The following TRAF5 variants were observed in gnomAD, a reference collection of about 807,000 sequenced individuals.
TRAF5 encodes the protein TNF receptor associated factor 5.
TRAF5 carries 48 observed loss-of-function variants against 64.5 expected under a neutral mutation model. The observed-to-expected ratio is 0.74, with a 90% CI of 0.59 to 0.95. The LOEUF (loss-of-function observed/expected upper bound fraction) is 0.95. Among genes scored for constraint, TRAF5 ranks in the 40% least tolerant of loss-of-function variants. The probability of loss-of-function intolerance (pLI) is 0.00; values close to 1 mark genes in which losing one functional copy is unlikely to be tolerated. For synonymous variants in TRAF5, 206 were observed against 240.5 expected, an observed-to-expected ratio of 0.86 and a Z score of 1.33; for missense variants, 545 against 662.8, an observed-to-expected ratio of 0.82 and a Z score of 1.95.
At chr1:211,358,209 T>C (rs7540368) in intron 4 of TRAF5, 135,380 of 152,212 alleles carry the variant, frequency 0.89, 60,817 homozygotes, top group Middle Eastern at 0.97. Flanking sequence ...GGCGTGGTGG[T>C]TCATGCCTGT....
intron 1 of TRAF5, among the ~76,000 whole-genome samples, chr1:211,340,760 G>A (rs144494882): frequency 3.3e-5 from 5 of 152,330 alleles, no homozygotes; most frequent in African/African-American, 1.2e-4. Context: ...TTAATGCAAC[G>A]TGTCCTTTTG....
chr1:211,333,438 C>T (rs2102710799), intron 1 of TRAF5, among the ~76,000 whole-genome samples: 1 of 152,090 alleles, frequency 6.6e-6, no homozygotes, highest in East Asian at 1.9e-4. Flanking sequence ...ATCCACTCCC[C>T]CCCCACTCCC....
Position 211,353,366 on chromosome 1 carries a change from T to A in TRAF5, c.127T>A (p.Tyr43Asn). The change falls in exon 2 of 11, where the codon TAC becomes AAC. Residue 43 changes from tyrosine (Y) to asparagine (N), a missense_variant. Tyr to Asn is a moderately radical substitution (Grantham distance 143, BLOSUM62 -2). Transcript: ENST00000261464. ...GTTTGTGGAGCGGTTGGAAGAGCGC[T>A]ACAAATGTGCCTTCTGCCACTCGGT... is the stretch of plus-strand genomic sequence containing the variant. ...YQFVERLEER[Y>N]KCAFCHSVLH... 6.2e-7 allele frequency: 1 copy of A among 1,614,160 alleles called. No individual in the cohort carries two copies. Among genetic ancestry groups the A allele is most frequent in the Non-Finnish European group, 8.5e-7 (1 of 1,180,024 alleles).
At chr1:211,349,986 G>C (rs1440627146) in intron 1 of TRAF5, among the ~76,000 whole-genome samples, 1 of 86,512 alleles carries the variant, frequency 1.2e-5, no homozygotes, top group African/African-American at 2.8e-5. Context: ...GGTTCTTCCA[G>C]TTCTCTGAGA....
intron 1 of TRAF5, among the ~76,000 whole-genome samples, chr1:211,334,992 G>A (rs1374919560): frequency 2.0e-5 from 3 of 152,098 alleles, no homozygotes; most frequent in African/African-American, 7.2e-5. Context: ...GTGGCCCTTT[G>A]AACCCCTCAA....
At chr1:211,339,329 G>T (rs551116464) in intron 1 of TRAF5, among the ~76,000 whole-genome samples, 2 of 152,234 alleles carry the variant, frequency 1.3e-5, no homozygotes, top group South Asian at 4.2e-4. Flanking sequence ...CCAAACTGTG[G>T]ATCTCCTAGG....
chr1:211,371,985 C>A, intron 10 of TRAF5, 143 bp from the exon 11 acceptor site: 1 of 727,824 alleles, frequency 1.4e-6, no homozygotes, highest in Non-Finnish European at 2.2e-6. Flanking sequence ...GTTAATATTA[C>A]TACAACAAAT....
chr1:211,337,377 A>G lies in TRAF5; in HGVS notation c.-2+10488A>G, dbSNP rs1702330678. ...TCTGCTGTTCAAGAAGACGCAAGGC[A>G]GTGTTGCCAGAGTGAGTAGACAAGG... On this transcript the variant is annotated intron_variant, in intron 1 of 10. Transcript: ENST00000261464. 3.3e-5 allele frequency among the ~76,000 whole-genome samples: 5 copies of G among 152,292 alleles called. No homozygotes were observed. The South Asian group carries it at 1.0e-3, about 32-fold the overall frequency.
chr1:211,360,910 T>C, intron 6 of TRAF5, 131 bp downstream of exon 6: 1 of 990,164 alleles, frequency 1.0e-6, no homozygotes, highest in South Asian at 1.5e-5. Flanking sequence ...ATGACGTATC[T>C]GTCTTCCCTT....
chr1:211,353,778 AC>A (rs1702871628), intron 2 of TRAF5, among the ~76,000 whole-genome samples: 1 of 152,254 alleles, frequency 6.6e-6, no homozygotes, highest in South Asian at 2.1e-4. Context: ...TGTTGTAGTC[AC>A]CCCAATCTTC....
At chr1:211,338,664 G>A (rs916922776) in intron 1 of TRAF5, among the ~76,000 whole-genome samples, 1 of 152,040 alleles carries the variant, frequency 6.6e-6, no homozygotes, top group African/African-American at 2.4e-5. Flanking sequence ...TCACTCTGTT[G>A]TCCAGGCTGG....
chr1:211,358,091 G>C (rs1028489483), intron 4 of TRAF5: 1 of 152,156 alleles, frequency 6.6e-6, no homozygotes, highest in Admixed American at 6.5e-5. Flanking sequence ...ACCCTCAGGG[G>C]GACAAGTTCT....
intron 2 of TRAF5, among the ~76,000 whole-genome samples, chr1:211,354,047 G>C (rs1702880578): frequency 6.6e-6 from 1 of 152,228 alleles, no homozygotes; most frequent in Non-Finnish European, 1.5e-5. Context: ...TGTGTGTTCT[G>C]TGCTGTCATG....
chr1:211,337,717 C>A (rs1285667727), intron 1 of TRAF5, among the ~76,000 whole-genome samples: 1 of 152,072 alleles, frequency 6.6e-6, no homozygotes, highest in Non-Finnish European at 1.5e-5. Context: ...GAAGGAAGAT[C>A]CCATGGGCTT....
In TRAF5 at chr1:211,353,439, A is replaced by C. The variant is rs374448179; in HGVS notation, c.200A>C (p.His67Pro). The C allele has an allele frequency of 6.2e-7, 1 of 1,613,252 alleles. No individual in the cohort carries two copies. The change falls in exon 2 of 11, where the codon CAC (histidine) becomes CCC (proline). Residue 67 changes from histidine to proline, a missense_variant. Coordinates refer to ENST00000261464, the MANE Select transcript of TRAF5 (RefSeq NM_001033910.3). ...GGATGTGGGCACCGCTTCTGCCAGC[A>C]CTGCATCCTGTCCCTGAGGTGAGTG... ...QTGCGHRFCQHCILSLRELNT... is the reference protein window; with the variant it reads ...QTGCGHRFCQPCILSLRELNT...
chr1:211,327,697 C>T (rs1702059964), intron 1 of TRAF5, among the ~76,000 whole-genome samples: 1 of 152,244 alleles, frequency 6.6e-6, no homozygotes, highest in Non-Finnish European at 1.5e-5. Context: ...GCTCATTCGG[C>T]CTCCTTCTGC....
At chr1:211,366,271 T>C (rs954986260) in intron 8 of TRAF5, among the ~76,000 whole-genome samples, 1 of 152,220 alleles carries the variant, frequency 6.6e-6, no homozygotes, top group Non-Finnish European at 1.5e-5. Context: ...CAGGGTCAGA[T>C]TCTGGAGAAA....
At position 211,354,465 on chromosome 1, in the gene TRAF5, G is replaced by A. The variant is rs201150771; in HGVS notation, c.274G>A (p.Glu92Lys). 1,063 of 1,614,116 alleles carry A rather than the reference G, an allele frequency of 6.6e-4. 16 individuals carry two copies. In the South Asian group the frequency reaches 0.011, roughly 17 times the overall value. ...PVDKEVIKSQ[E>K]VFKDNCCKRE... is the part of the protein sequence containing the mutation. Reference sequence around the variant, plus strand: ...AGATAAAGAGGTCATCAAATCTCAGGAGGTAAGAAAGTCACTGCTTTTGTC... The same window carrying A: ...AGATAAAGAGGTCATCAAATCTCAGAAGGTAAGAAAGTCACTGCTTTTGTC... Residue 92 changes from glutamate (E) to lysine (K), a missense_variant and splice_region_variant, in exon 3 of 11, where the codon GAG (glutamate) becomes AAG (lysine). By Grantham distance (56) the Glu-to-Lys change is moderately conservative. Coordinates refer to ENST00000261464, the MANE Select transcript of TRAF5 (RefSeq NM_001033910.3).
chr1:211,362,028 C>G (rs1322346787), intron 7 of TRAF5, among the ~76,000 whole-genome samples: 1 of 150,966 alleles, frequency 6.6e-6, no homozygotes, highest in Non-Finnish European at 1.5e-5. Flanking sequence ...TTGCCTCCAC[C>G]TGGTTTGGGA....
Sources: allele counts gnomAD v4.1 joint callset (sites outside exome capture counted in the v4.1 genomes callset), GRCh38; gene constraint gnomAD v4.1.1; transcripts MANE v1.5; gene names NCBI Gene and HGNC (gene_info 2026-07-23, HGNC 2026-07-21).